The following LSAMP variants were observed in gnomAD, a reference collection of about 807,000 sequenced individuals.
LSAMP encodes the protein limbic system-associated membrane protein.
LSAMP carries 7 observed loss-of-function variants against 38.6 expected under a neutral mutation model. The observed-to-expected ratio is 0.18, with a 90% CI of 0.10 to 0.34. The LOEUF is 0.34. LSAMP is among the 10% of genes least tolerant of loss of function. The pLI, the probability that LSAMP is intolerant of heterozygous loss-of-function variation, is 1.00. For synonymous variants in LSAMP, 154 were observed against 166.8 expected, an observed-to-expected ratio of 0.92 and a Z score of 0.59; for missense variants, 313 against 420.0, an observed-to-expected ratio of 0.75 and a Z score of 2.23.
At chr3:115,944,723 G>A (rs942220136) in intron 3 of LSAMP, among the ~76,000 whole-genome samples, 40 of 152,156 alleles carry the variant, frequency 2.6e-4, no homozygotes, top group African/African-American at 8.4e-4. Flanking sequence ...GGCCCAATGA[G>A]TTAAGATCCT....
At chr3:116,392,531 C>T (rs769123703) in intron 1 of LSAMP, among the ~76,000 whole-genome samples, 3 of 152,338 alleles carry the variant, frequency 2.0e-5, no homozygotes, top group Non-Finnish European at 2.9e-5. Flanking sequence ...GAGGCTGAGG[C>T]GGTGCTGAGG....
intron 3 of LSAMP, among the ~76,000 whole-genome samples, chr3:115,893,583 GATCA>G (rs138661176): frequency 8.6e-4 from 131 of 151,902 alleles, no homozygotes; most frequent in African/African-American, 3.0e-3. Flanking sequence ...TACAATTTTT[GATCA>G]ATCATAGTAG....
chr3:116,190,588 A>G (rs1710733601), intron 1 of LSAMP, among the ~76,000 whole-genome samples: 1 of 152,218 alleles, frequency 6.6e-6, no homozygotes, highest in African/African-American at 2.4e-5. Flanking sequence ...ATATTTCCAA[A>G]CCAGTGGGAT....
chr3:116,210,651 C>T (rs567443755), intron 1 of LSAMP, among the ~76,000 whole-genome samples: 42 of 152,212 alleles, frequency 2.8e-4, no homozygotes, highest in African/African-American at 9.6e-4. Flanking sequence ...ATTGTGTGAG[C>T]CAATTCTCCT....
At chr3:116,324,948 C>T (rs2047750048) in intron 1 of LSAMP, among the ~76,000 whole-genome samples, 1 of 151,966 alleles carries the variant, frequency 6.6e-6, no homozygotes, top group Non-Finnish European at 1.5e-5. Context: ...CCTTCATAGT[C>T]TTTCACACTA....
chr3:116,417,004 C>A (rs890232564), intron 1 of LSAMP, among the ~76,000 whole-genome samples: 2 of 152,084 alleles, frequency 1.3e-5, no homozygotes, highest in Non-Finnish European at 2.9e-5. Context: ...AAAGGAATCT[C>A]TTTTTTCTTC....
intron 1 of LSAMP, among the ~76,000 whole-genome samples, chr3:116,288,706 G>C (rs577842795): frequency 6.6e-6 from 1 of 152,212 alleles, no homozygotes; most frequent in African/African-American, 2.4e-5. Context: ...GATCTCTTGA[G>C]TTTACAGCAC....
At chr3:116,029,597 G>A (rs139249937) in intron 2 of LSAMP, among the ~76,000 whole-genome samples, 50 of 152,218 alleles carry the variant, frequency 3.3e-4, no homozygotes, top group African/African-American at 8.9e-4. Context: ...GCTAGGTACC[G>A]TGTGTGTTAA....
intron 1 of LSAMP, among the ~76,000 whole-genome samples, chr3:116,285,928 C>A (rs1405531625): frequency 6.6e-6 from 1 of 152,122 alleles, no homozygotes; most frequent in African/African-American, 2.4e-5. Flanking sequence ...GGGGAAGAGG[C>A]CTAGAAAGGA....
chr3:115,833,524 A>C (rs550932629), intron 6 of LSAMP, among the ~76,000 whole-genome samples: 1 of 152,278 alleles, frequency 6.6e-6, no homozygotes, highest in East Asian at 1.9e-4. Context: ...ATATTTGCAT[A>C]TGTGAATGCA....
chr3:116,390,775 T>C (rs2048683552), intron 1 of LSAMP, among the ~76,000 whole-genome samples: 1 of 145,722 alleles, frequency 6.9e-6, no homozygotes, highest in African/African-American at 2.6e-5. Context: ...GCAAGGAACG[T>C]GCTTACAGTA....
At chr3:116,149,119 G>A (rs1364859213) in intron 1 of LSAMP, among the ~76,000 whole-genome samples, 1 of 151,974 alleles carries the variant, frequency 6.6e-6, no homozygotes, top group East Asian at 1.9e-4. Context: ...CTTCTCTAGA[G>A]AGAGGGTTCA....
rs192083056 is a variant in LSAMP, at chr3:116,095,625, A to C, written c.156-9069T>G. Among the ~76,000 whole-genome samples, 400 of 152,332 alleles carry C rather than the reference A, an allele frequency of 2.6e-3. 1 individual carries two copies. Among genetic ancestry groups the C allele is most frequent in the African/African-American group, 9.2e-3 (384 of 41,584 alleles). On this transcript the variant is annotated intron_variant, in intron 1 of 6. Transcript: ENST00000490035. ...TAGAAGAAATAAATGGGAAAAAATAAGACACAAATTCTAAAAAGAGATAAG... is the reference window on the plus strand; with the variant it reads ...TAGAAGAAATAAATGGGAAAAAATACGACACAAATTCTAAAAAGAGATAAG...
intron 1 of LSAMP, among the ~76,000 whole-genome samples, chr3:116,290,058 T>C (rs944746110): frequency 3.3e-5 from 5 of 152,228 alleles, no homozygotes; most frequent in Admixed American, 1.3e-4. Flanking sequence ...TCTGATTGAT[T>C]AGTAAATCAT....
At chr3:116,138,025 G>T (rs1709288831) in intron 1 of LSAMP, among the ~76,000 whole-genome samples, 1 of 152,108 alleles carries the variant, frequency 6.6e-6, no homozygotes, top group Admixed American at 6.6e-5. Context: ...AAGCAGTGTT[G>T]TTCACATACA....
chr3:115,938,186 T>A (rs149904087), intron 3 of LSAMP, among the ~76,000 whole-genome samples: 1 of 152,152 alleles, frequency 6.6e-6, no homozygotes, highest in African/African-American at 2.4e-5. Flanking sequence ...AATGAATAGA[T>A]AATTTATTAT....
chr3:115,957,751 A>T (rs140712351), intron 3 of LSAMP, among the ~76,000 whole-genome samples: 22 of 152,140 alleles, frequency 1.4e-4, no homozygotes. Flanking sequence ...CAGCAAGACC[A>T]TTTTGTACCT....
chr3:116,391,691 C>T (rs971412172), intron 1 of LSAMP, among the ~76,000 whole-genome samples: 3 of 152,126 alleles, frequency 2.0e-5, no homozygotes, highest in Non-Finnish European at 4.4e-5. Flanking sequence ...TTTGATAGTA[C>T]TGATGGCAGC....
chr3:116,067,291 AT>A (rs1256737060), intron 2 of LSAMP, among the ~76,000 whole-genome samples: 8 of 152,174 alleles, frequency 5.3e-5, no homozygotes, highest in Non-Finnish European at 1.0e-4. Flanking sequence ...ACTGAAGTTG[AT>A]GAAGAGAGAG....
Sources: gnomAD v4.1 joint callset for allele counts (sites outside exome capture counted in the v4.1 genomes callset) on GRCh38, gnomAD v4.1.1 for gene constraint, MANE v1.5 for transcripts, NCBI Gene and HGNC (gene_info 2026-07-23, HGNC 2026-07-21) for gene names.